FAM135B: variants seen among roughly 807,000 people sequenced by gnomAD.
FAM135B encodes family with sequence similarity 135 member B.
FAM135B carries 43 observed loss-of-function variants against 127.7 expected under a neutral mutation model. The observed-to-expected ratio is 0.34, with a 90% CI of 0.26 to 0.43. The LOEUF is 0.43. FAM135B is among the 20% of genes least tolerant of loss of function. The pLI is 1.00. For synonymous variants in FAM135B, 670 were observed against 665.1 expected (o/e 1.01, Z -0.11); for missense variants, 1,558 against 1,725.6 (o/e 0.90, Z 1.72).
At chr8:138,345,294 G>A (rs1829333880) in intron 2 of FAM135B, among the ~76,000 whole-genome samples, 1 of 152,170 alleles carries the variant, frequency 6.6e-6, no homozygotes, top group South Asian at 2.1e-4. Context: ...AGAGCATGGG[G>A]GAGGCTCCTC....
rs140079936 is a variant in FAM135B at position 138,247,752 on chromosome 8, T to G, written c.542+3089A>C. Among the ~76,000 whole-genome samples the G allele has an allele frequency of 3.8e-3, 581 of 152,330 alleles. 1 individual carries two copies. Among genetic ancestry groups the G allele is most frequent in the African/African-American group, 0.013 (544 of 41,580 alleles). Reference sequence around the variant, plus strand: ...AAGCTGCTGGAGTCTTTACAAAACATAGATCTTACCAGGTAACTCTACTGC... The same window carrying G: ...AAGCTGCTGGAGTCTTTACAAAACAGAGATCTTACCAGGTAACTCTACTGC... On this transcript the variant is annotated intron_variant, in intron 6 of 19. Coordinates refer to ENST00000395297, the MANE Select transcript of FAM135B (RefSeq NM_015912.4).
At chr8:138,341,591 G>T (rs1829052404) in intron 2 of FAM135B, among the ~76,000 whole-genome samples, 2 of 152,164 alleles carry the variant, frequency 1.3e-5, no homozygotes, top group East Asian at 1.9e-4. Flanking sequence ...TTTATATTAT[G>T]CATATTTTAC....
Position 138,484,996 on chromosome 8 carries a change from A to T in FAM135B, c.-20+11675T>A, listed in dbSNP as rs1003983595. Among the ~76,000 whole-genome samples the T allele has an allele frequency of 2.0e-4, 30 of 152,340 alleles. 1 individual carries two copies. The highest frequency in any genetic ancestry group is 7.2e-4 in the African/African-American group (30 of 41,584). On this transcript the variant is annotated intron_variant, in intron 1 of 19. Transcript: ENST00000395297. ...AAATCAACGAGGTTTCACCAAAGCC[A>T]CCAATTCAGTTGCCTTCTCTCCCCT...
At chr8:138,450,799 AGTC>A (rs1173539900) in intron 1 of FAM135B, 1 of 152,158 alleles carries the variant, frequency 6.6e-6, no homozygotes, top group Non-Finnish European at 1.5e-5. Flanking sequence ...TCTGTCAATC[AGTC>A]GTCTTCAATC....
rs935909982 is a variant in FAM135B, at chr8:138,236,475, C to G, written c.669+6467G>C. ...ATTATCACATCCTTCCAAAGAAGGA[C>G]GAAAGGTATCACAACCTTCTTTGGT... On this transcript the variant is annotated intron_variant, in intron 7 of 19. Coordinates refer to ENST00000395297, the MANE Select transcript of FAM135B (RefSeq NM_015912.4). 4.6e-5 allele frequency among the ~76,000 whole-genome samples: 7 copies of G among 152,056 alleles called. No homozygotes were observed. The South Asian group carries it at 6.2e-4, about 14-fold the overall frequency.
At chr8:138,343,026 T>C (rs1829163887) in intron 2 of FAM135B, among the ~76,000 whole-genome samples, 1 of 152,268 alleles carries the variant, frequency 6.6e-6, no homozygotes, top group African/African-American at 2.4e-5. Flanking sequence ...CATGCTTCAA[T>C]AGAAGTACAC....
rs774530171 is a variant in FAM135B, at chr8:138,156,297, T to C, written c.1259-3081A>G. ...GAATCTCTGGGACACATTTAAGCAGTGTGTAGAGGGAAATTCATAGCACTA... is the reference window on the plus strand; with the variant it reads ...GAATCTCTGGGACACATTTAAGCAGCGTGTAGAGGGAAATTCATAGCACTA... On this transcript the variant is annotated intron_variant, in intron 12 of 19. Transcript: ENST00000395297. Among the ~76,000 whole-genome samples the C allele has an allele frequency of 1.4e-4, 21 of 152,190 alleles. 1 individual carries two copies. Among genetic ancestry groups the C allele is most frequent in the Non-Finnish European group, 2.6e-4 (18 of 68,024 alleles).
chr8:138,145,618 A>G (rs188885974), intron 15 of FAM135B, among the ~76,000 whole-genome samples: 5 of 152,302 alleles, frequency 3.3e-5, no homozygotes, highest in East Asian at 3.9e-4. Flanking sequence ...ACAACTTTGT[A>G]TAGAGCAGGT....
At position 138,131,327 on chromosome 8, in the gene FAM135B, A is replaced by T. The variant is rs555515911; in HGVS notation, c.*1266T>A. ...CTTCCATACAACGAAATGATTCTTT[A>T]GGCTTACTTTAGCCCATACAACATA... is the stretch of plus-strand genomic sequence containing the variant. On this transcript the variant is annotated 3_prime_UTR_variant, in exon 20 of 20. Coordinates refer to ENST00000395297, the MANE Select transcript of FAM135B (RefSeq NM_015912.4). 2 of 151,658 alleles carry T rather than the reference A, an allele frequency of 1.3e-5. No homozygotes were observed. The highest frequency in any genetic ancestry group is 2.9e-5 in the Non-Finnish European group (2 of 68,024). The allele number at this position is 151,658 out of a possible 1,614,324, so 9.4% of individuals were successfully genotyped here. A position where few individuals can be genotyped will look rare whatever the true frequency, so the allele number is the denominator to read the frequency against.
chr8:138,423,761 T>G (rs1834669455), intron 1 of FAM135B, among the ~76,000 whole-genome samples: 1 of 152,070 alleles, frequency 6.6e-6, no homozygotes, highest in Non-Finnish European at 1.5e-5. Flanking sequence ...ATTTATTAGG[T>G]GGGAATTTTC....
chr8:138,141,450 A>T lies in FAM135B; in HGVS notation c.3639-101T>A. On this transcript the variant is annotated intron_variant, in intron 16 of 19. Transcript: ENST00000395297. This position sits in a 1 kb window ranked among gnomAD's most constrained non-coding sequence, Gnocchi z 4.7. ...CAGGGGCCATTGTTCTCCACCTCCCACTGAATGTAGGGGAACTGGCAAAGA... is the reference window on the plus strand; with the variant it reads ...CAGGGGCCATTGTTCTCCACCTCCCTCTGAATGTAGGGGAACTGGCAAAGA... The T allele has an allele frequency of 8.3e-7, 1 of 1,203,684 alleles. No homozygotes were observed. Among genetic ancestry groups the T allele is most frequent in the Non-Finnish European group, 1.2e-6 (1 of 829,130 alleles). The allele number at this position is 1,203,684 out of a possible 1,614,324, so 74.6% of individuals were successfully genotyped here. A position where few individuals can be genotyped will look rare whatever the true frequency, so the allele number is the denominator to read the frequency against.
intron 1 of FAM135B, among the ~76,000 whole-genome samples, chr8:138,473,203 G>C (rs1391408166): frequency 6.6e-6 from 1 of 152,100 alleles, no homozygotes; most frequent in East Asian, 1.9e-4. Context: ...GAACCTCAAA[G>C]TGAGCACTAA....
intron 7 of FAM135B, among the ~76,000 whole-genome samples, chr8:138,202,051 A>AGAGGT (rs1194220580): frequency 1.8e-4 from 25 of 138,490 alleles, no homozygotes; most frequent in Non-Finnish European, 3.5e-4. Flanking sequence ...CTTGAACCTG[A>AGAGGT]GAGGTGGAGG....
chr8:138,373,030 C>T lies in FAM135B; in HGVS notation c.-19-5028G>A, dbSNP rs1055821897. 5.9e-5 allele frequency among the ~76,000 whole-genome samples: 9 copies of T among 152,248 alleles called. No individual in the cohort carries two copies. In the South Asian group the frequency reaches 6.2e-4, roughly 11 times the overall value. ...CAAGGTTCTAAGATCCCATTACCTT[C>T]GGGCAGGCAATGTTTGTATTTGATT... On this transcript the variant is annotated intron_variant, in intron 1 of 19. Transcript: ENST00000395297.
At chr8:138,416,271 T>A (rs1357628725) in intron 1 of FAM135B, among the ~76,000 whole-genome samples, 1 of 152,212 alleles carries the variant, frequency 6.6e-6, no homozygotes, top group Non-Finnish European at 1.5e-5. Context: ...AGCCACTTAC[T>A]AGTTACATGA....
chr8:138,332,449 T>A (rs1828254013), intron 2 of FAM135B, among the ~76,000 whole-genome samples: 1 of 152,194 alleles, frequency 6.6e-6, no homozygotes, highest in Non-Finnish European at 1.5e-5. Context: ...TAAGATGCCA[T>A]ATCCCAATTT....
intron 18 of FAM135B, 55 bp downstream of exon 18, chr8:138,138,930 AG>A (rs1816890721): frequency 1.9e-6 from 2 of 1,060,556 alleles, no homozygotes; most frequent in East Asian, 4.8e-5. Context: ...TTTGTGTCTC[AG>A]GAGTTGAATC....
intron 5 of FAM135B, among the ~76,000 whole-genome samples, chr8:138,255,543 C>T (rs771797389): frequency 1.1e-4 from 16 of 152,288 alleles, no homozygotes; most frequent in South Asian, 2.1e-4. Context: ...TAAACAAGAA[C>T]GAGCAGGCTT....
intron 2 of FAM135B, among the ~76,000 whole-genome samples, chr8:138,360,404 T>C (rs1471022358): frequency 6.6e-6 from 1 of 152,182 alleles, no homozygotes; most frequent in African/African-American, 2.4e-5. Context: ...ATAAGACCAT[T>C]CCTCCTGCTT....
Sources: allele counts gnomAD v4.1 joint callset (sites outside exome capture counted in the v4.1 genomes callset), GRCh38; gene constraint gnomAD v4.1.1; non-coding constraint Gnocchi (gnomAD v3.1); transcripts MANE v1.5; gene names NCBI Gene and HGNC (gene_info 2026-07-23, HGNC 2026-07-21).